The following ADTRP variants were observed in gnomAD, a reference collection of about 807,000 sequenced individuals.
The protein encoded by ADTRP is androgen-dependent TFPI-regulating protein.
A neutral mutation model predicts 27.0 loss-of-function variants in ADTRP; 20 were observed. The observed-to-expected ratio is 0.74, with a 90% CI of 0.52 to 1.08. The LOEUF (loss-of-function observed/expected upper bound fraction) is 1.08. Among genes scored for constraint, ADTRP ranks in the 50% least tolerant of loss-of-function variants. ADTRP has a pLI of 0.00. For missense variants in ADTRP, 251 were observed against 275.0 expected (o/e 0.91, Z 0.62); for synonymous variants, 101 against 105.2 (o/e 0.96, Z 0.25).
chr6:11,725,631 C>T (rs914140908), intron 4 of ADTRP, among the ~76,000 whole-genome samples: 2 of 151,912 alleles, frequency 1.3e-5, no homozygotes, highest in Non-Finnish European at 2.9e-5. Context: ...GGTGGTTCTC[C>T]CCAAAATTAA....
At chr6:11,718,202 G>A (rs1051335675) in intron 5 of ADTRP, among the ~76,000 whole-genome samples, 11 of 152,202 alleles carry the variant, frequency 7.2e-5, no homozygotes, top group African/African-American at 2.4e-4. Context: ...TATGGTCTTA[G>A]GGGCCCTGAC....
chr6:11,753,622 G>A (rs758398623), intron 3 of ADTRP, among the ~76,000 whole-genome samples: 4 of 152,116 alleles, frequency 2.6e-5, no homozygotes, highest in Non-Finnish European at 4.4e-5. Flanking sequence ...TAATTAAAAT[G>A]TTCCCATATA....
chr6:11,774,813 A>G (rs1011080394), intron 1 of ADTRP, among the ~76,000 whole-genome samples: 3 of 152,170 alleles, frequency 2.0e-5, no homozygotes, highest in Non-Finnish European at 4.4e-5. Flanking sequence ...CCCCTAGCTC[A>G]TATTCTCTGG....
At chr6:11,738,866 A>G (rs1762624271) in intron 3 of ADTRP, among the ~76,000 whole-genome samples, 2 of 152,350 alleles carry the variant, frequency 1.3e-5, no homozygotes, top group Non-Finnish European at 2.9e-5. Flanking sequence ...GGTCTTTGCA[A>G]GAATCACATT....
intron 1 of ADTRP, chr6:11,770,089 A>T: frequency 1.3e-6 from 2 of 1,545,946 alleles, no homozygotes; most frequent in Non-Finnish European, 1.7e-6. Flanking sequence ...CTTGAGCTAG[A>T]CTTCGAAAAA....
At chr6:11,758,264 C>G (rs1481446030) in intron 3 of ADTRP, among the ~76,000 whole-genome samples, 1 of 152,058 alleles carries the variant, frequency 6.6e-6, no homozygotes, top group Non-Finnish European at 1.5e-5. Flanking sequence ...CCAAATGGTG[C>G]CCACTCTGTG....
chr6:11,753,234 C>T (rs1763111609), intron 3 of ADTRP, among the ~76,000 whole-genome samples: 1 of 152,192 alleles, frequency 6.6e-6, no homozygotes, highest in South Asian at 2.1e-4. Flanking sequence ...AGCTCTAACA[C>T]CTTTATTTCT....
chr6:11,742,106 G>A (rs1051616401), intron 3 of ADTRP, among the ~76,000 whole-genome samples: 17 of 151,718 alleles, frequency 1.1e-4, no homozygotes, highest in Admixed American at 6.6e-5. Flanking sequence ...AGTCTGGTAC[G>A]TTGCAATCGG....
chr6:11,768,294 G>A lies in ADTRP; in HGVS notation c.243C>T (p.Ala81=). The A allele has an allele frequency of 6.2e-7, 1 of 1,614,212 alleles. No individual in the cohort carries two copies. Among genetic ancestry groups the A allele is most frequent in the East Asian group, 2.2e-5 (1 of 44,888 alleles). ...GAGTGGTGAAAAGCAGGTCTCTGAA[G>A]GCAGTTAGGAACTTAATGTCTTTTC... ...KGGKDIKFLT[A]FRDLLFTTLA... is the part of the protein sequence containing the mutation. The change falls in exon 2 of 6, where the codon GCC becomes GCT. Residue 81 remains alanine, a synonymous_variant. Coordinates refer to ENST00000414691, the MANE Select transcript of ADTRP (RefSeq NM_032744.4).
intron 1 of ADTRP, among the ~76,000 whole-genome samples, chr6:11,778,042 GA>G (rs1254499530): frequency 6.6e-6 from 1 of 152,182 alleles, no homozygotes; most frequent in Non-Finnish European, 1.5e-5. Context: ...TTAAATAGTT[GA>G]AAATGTGTAT....
At chr6:11,719,295 A>G (rs879592041) in intron 5 of ADTRP, among the ~76,000 whole-genome samples, 12 of 152,148 alleles carry the variant, frequency 7.9e-5, no homozygotes, top group Non-Finnish European at 1.8e-4. Context: ...CAGAATCCAC[A>G]CTTTAACAAG....
chr6:11,763,168 T>C (rs1023796796), intron 3 of ADTRP, among the ~76,000 whole-genome samples: 3 of 152,210 alleles, frequency 2.0e-5, no homozygotes, highest in African/African-American at 7.2e-5. Flanking sequence ...AAATGTCTGT[T>C]AGAGACACAA....
chr6:11,756,046 T>C (rs1423920981), intron 3 of ADTRP, among the ~76,000 whole-genome samples: 1 of 152,228 alleles, frequency 6.6e-6, no homozygotes, highest in Non-Finnish European at 1.5e-5. Flanking sequence ...CATGTAGACC[T>C]GGTCTAGAAT....
chr6:11,761,263 AC>A (rs1342314642), intron 3 of ADTRP, among the ~76,000 whole-genome samples: 1 of 151,800 alleles, frequency 6.6e-6, no homozygotes, highest in Admixed American at 6.6e-5. Flanking sequence ...AAACACACCC[AC>A]CCACACACCA....
At chr6:11,724,806 G>A (rs1284400639) in intron 4 of ADTRP, among the ~76,000 whole-genome samples, 3 of 152,162 alleles carry the variant, frequency 2.0e-5, no homozygotes, top group Non-Finnish European at 2.9e-5. Flanking sequence ...TAAAGATTAC[G>A]GGAGTTAACA....
chr6:11,735,040 C>T (rs765145947), intron 4 of ADTRP, among the ~76,000 whole-genome samples: 1 of 152,178 alleles, frequency 6.6e-6, no homozygotes, highest in South Asian at 2.1e-4. Flanking sequence ...GGTTGAATGA[C>T]GAAATCTAGG....
At chr6:11,770,311 G>C (rs984493322) in intron 1 of ADTRP, among the ~76,000 whole-genome samples, 1 of 152,138 alleles carries the variant, frequency 6.6e-6, no homozygotes, top group African/African-American at 2.4e-5. Flanking sequence ...TTCTAATCAC[G>C]GGCAGCTGAG....
At chr6:11,760,751 G>A (rs770508416) in intron 3 of ADTRP, among the ~76,000 whole-genome samples, 2 of 152,080 alleles carry the variant, frequency 1.3e-5, no homozygotes, top group African/African-American at 2.4e-5. Context: ...TAAAACTCAC[G>A]TGCCTAAATG....
At chr6:11,777,133 G>T (rs138768674) in intron 1 of ADTRP, among the ~76,000 whole-genome samples, 101 of 152,288 alleles carry the variant, frequency 6.6e-4, no homozygotes, top group African/African-American at 2.3e-3. Flanking sequence ...GCAAAATTGG[G>T]ATTAACACTA....
Sources: allele counts gnomAD v4.1 joint callset (sites outside exome capture counted in the v4.1 genomes callset), GRCh38; gene constraint gnomAD v4.1.1; transcripts MANE v1.5; gene names NCBI Gene and HGNC (gene_info 2026-07-23, HGNC 2026-07-21).